The following SPATA17 variants were observed in gnomAD, a reference collection of about 807,000 sequenced individuals.
The protein encoded by SPATA17 is spermatogenesis associated 17, also known as spermatogenesis-associated protein 17.
In SPATA17, 53 loss-of-function variants were observed where a neutral mutation model predicts 62.2. The observed-to-expected ratio is 0.85, with a 90% CI of 0.68 to 1.07. The LOEUF is 1.07. Among genes scored for constraint, SPATA17 ranks in the 50% least tolerant of loss-of-function variants. The pLI, the probability that SPATA17 is intolerant of heterozygous loss-of-function variation, is 0.00. For missense variants in SPATA17, 466 were observed against 425.5 expected (o/e 1.10, Z -0.84); for synonymous variants, 146 against 146.8 (o/e 0.99, Z 0.04).
intron 10 of SPATA17, among the ~76,000 whole-genome samples, chr1:217,863,139 TTGA>T (rs1675933193): frequency 6.9e-6 from 1 of 145,960 alleles, no homozygotes; most frequent in Non-Finnish European, 1.5e-5. Flanking sequence ...TTTTTTTTTT[TTGA>T]GACAGAGTCT....
intron 7 of SPATA17, among the ~76,000 whole-genome samples, chr1:217,777,444 C>T (rs1304415300): frequency 6.6e-6 from 1 of 152,002 alleles, no homozygotes; most frequent in Non-Finnish European, 1.5e-5. Context: ...CTGTGTTGCC[C>T]ATGCTGGAGT....
At chr1:217,749,938 T>G (rs1463411935) in intron 6 of SPATA17, among the ~76,000 whole-genome samples, 4 of 132,064 alleles carry the variant, frequency 3.0e-5, no homozygotes, top group East Asian at 2.2e-4. Context: ...AAATTTGTCA[T>G]AAGATTCTCT....
At chr1:217,841,763 C>T (rs549221710) in intron 9 of SPATA17, among the ~76,000 whole-genome samples, 5 of 151,516 alleles carry the variant, frequency 3.3e-5, no homozygotes, top group Non-Finnish European at 7.4e-5. Context: ...GCACTCACCA[C>T]CTAGTTTCAA....
intron 7 of SPATA17, among the ~76,000 whole-genome samples, chr1:217,781,485 A>G: frequency 6.6e-6 from 1 of 152,180 alleles, no homozygotes; most frequent in Non-Finnish European, 1.5e-5. Context: ...AACTAGTATA[A>G]ATAACAACTA....
chr1:217,771,716 T>C (rs1344896393), intron 6 of SPATA17, among the ~76,000 whole-genome samples: 1 of 152,204 alleles, frequency 6.6e-6, no homozygotes. Flanking sequence ...ATATTTGATT[T>C]AAATTGCAAA....
intron 9 of SPATA17, among the ~76,000 whole-genome samples, chr1:217,802,211 A>T (rs1324687016): frequency 6.6e-6 from 1 of 152,062 alleles, no homozygotes; most frequent in East Asian, 1.9e-4. Context: ...CTATGTATGT[A>T]TGTTTATAGA....
chr1:217,722,394 T>A (rs2102935136), intron 5 of SPATA17, among the ~76,000 whole-genome samples: 1 of 152,150 alleles, frequency 6.6e-6, no homozygotes, highest in African/African-American at 2.4e-5. Flanking sequence ...TTATATCGGC[T>A]CCACATTATT....
At chr1:217,702,350 CT>C (rs1266990804) in intron 5 of SPATA17, among the ~76,000 whole-genome samples, 1 of 152,060 alleles carries the variant, frequency 6.6e-6, no homozygotes, top group Non-Finnish European at 1.5e-5. Context: ...CTTGAATCAT[CT>C]TTTTTGTTGT....
chr1:217,824,344 C>G (rs572991897), intron 9 of SPATA17, among the ~76,000 whole-genome samples: 5 of 151,516 alleles, frequency 3.3e-5, no homozygotes, highest in African/African-American at 1.2e-4. Context: ...GTTTTGTATA[C>G]TATATATACT....
intron 1 of SPATA17, among the ~76,000 whole-genome samples, chr1:217,634,780 C>G (rs986930882): frequency 2.0e-5 from 3 of 152,204 alleles, no homozygotes; most frequent in African/African-American, 7.2e-5. Flanking sequence ...CAGGAATGAA[C>G]GAGGACAGCT....
intron 9 of SPATA17, among the ~76,000 whole-genome samples, chr1:217,808,513 C>T (rs1674500379): frequency 6.6e-6 from 1 of 152,128 alleles, no homozygotes; most frequent in African/African-American, 2.4e-5. Flanking sequence ...AGGATTCATT[C>T]ATTTGCATAC....
intron 5 of SPATA17, among the ~76,000 whole-genome samples, chr1:217,740,781 C>T (rs934324057): frequency 6.6e-6 from 1 of 152,102 alleles, no homozygotes; most frequent in African/African-American, 2.4e-5. Flanking sequence ...TTTTCTGACT[C>T]CTTTTTTCAT....
intron 3 of SPATA17, among the ~76,000 whole-genome samples, chr1:217,666,055 C>T (rs1357148728): frequency 6.6e-6 from 1 of 152,048 alleles, no homozygotes; most frequent in Non-Finnish European, 1.5e-5. Flanking sequence ...ATTTGGTGAA[C>T]ATCTAAAATT....
chr1:217,720,593 G>A (rs560060184), intron 5 of SPATA17, among the ~76,000 whole-genome samples: 1 of 152,120 alleles, frequency 6.6e-6, no homozygotes, highest in East Asian at 1.9e-4. Context: ...GATCATTTGA[G>A]TCTTACCTGG....
chr1:217,653,157 GGATA>G (rs557748847), intron 3 of SPATA17, among the ~76,000 whole-genome samples: 81 of 152,208 alleles, frequency 5.3e-4, no homozygotes, highest in African/African-American at 1.8e-3. Flanking sequence ...TGTAGTGTGT[GGATA>G]GATAGATACA....
intron 3 of SPATA17, among the ~76,000 whole-genome samples, chr1:217,667,376 C>A (rs1430908730): frequency 6.6e-6 from 1 of 152,090 alleles, no homozygotes; most frequent in Non-Finnish European, 1.5e-5. Flanking sequence ...AAATTACATA[C>A]TTTTAACTAC....
At chr1:217,740,180 C>A (rs1672597648) in intron 5 of SPATA17, among the ~76,000 whole-genome samples, 1 of 123,712 alleles carries the variant, frequency 8.1e-6, no homozygotes, top group Non-Finnish European at 1.8e-5. Flanking sequence ...TTATATAAGA[C>A]CTTTTCATAT....
chr1:217,833,180 T>C lies in SPATA17; in HGVS notation c.1006-29594T>C, dbSNP rs185793635. Among the ~76,000 whole-genome samples the C allele has an allele frequency of 1.2e-4, 18 of 152,286 alleles. No homozygotes were observed. In the East Asian group the frequency reaches 3.5e-3, roughly 29 times the overall value. On this transcript the variant is annotated intron_variant, in intron 9 of 10. Coordinates refer to ENST00000366933, the MANE Select transcript of SPATA17 (RefSeq NM_138796.4). The stretch of plus-strand genomic sequence containing the variant: ...TTTTTAAAAGTCAGAATCAAAAAGC[T>C]GCTTACCTTCAGAACTCATTAGCAA...
chr1:217,647,795 C>T (rs1670221474), intron 1 of SPATA17, among the ~76,000 whole-genome samples: 1 of 151,990 alleles, frequency 6.6e-6, no homozygotes, highest in Admixed American at 6.5e-5. Flanking sequence ...GCTATCTCAG[C>T]TCATTGCAAA....
Sources: allele counts gnomAD v4.1 joint callset (sites outside exome capture counted in the v4.1 genomes callset), GRCh38; gene constraint gnomAD v4.1.1; transcripts MANE v1.5; gene names NCBI Gene and HGNC (gene_info 2026-07-23, HGNC 2026-07-21).